The following BMAL1 variants were observed in gnomAD, a reference collection of about 807,000 sequenced individuals.
BMAL1 encodes the protein basic helix-loop-helix ARNT-like protein 1.
the BMAL1 span, among the ~76,000 whole-genome samples, chr11:13,283,811 T>G: frequency 2.0e-5 from 3 of 152,106 alleles, no homozygotes; most frequent in Non-Finnish European, 4.4e-5. Context: ...CACATCCTGT[T>G]ATGCATGGCT....
the BMAL1 span, among the ~76,000 whole-genome samples, chr11:13,286,031 A>G: frequency 1.3e-5 from 2 of 152,204 alleles, no homozygotes; most frequent in East Asian, 1.9e-4. Context: ...CCAAAAGTTT[A>G]TTTGTAAGGC....
the BMAL1 span, chr11:13,366,856 G>T: frequency 9.9e-6 from 12 of 1,217,036 alleles, no homozygotes; most frequent in Non-Finnish European, 1.4e-5. Flanking sequence ...AGCAGAGGGC[G>T]GGTGTGTGTG....
the BMAL1 span, among the ~76,000 whole-genome samples, chr11:13,288,651 T>C: frequency 6.6e-6 from 1 of 151,990 alleles, no homozygotes; most frequent in Admixed American, 6.6e-5. Flanking sequence ...AATATTTCTC[T>C]CTAAAGCATC....
chr11:13,305,110 G>A, the BMAL1 span, among the ~76,000 whole-genome samples: 3 of 152,166 alleles, frequency 2.0e-5, no homozygotes, highest in African/African-American at 4.8e-5. Flanking sequence ...CTGGAGATGG[G>A]ACTTTTTAAT....
the BMAL1 span, among the ~76,000 whole-genome samples, chr11:13,348,810 G>C: frequency 2.8e-3 from 422 of 152,306 alleles, no homozygotes; most frequent in African/African-American, 9.5e-3. Context: ...GAATGCCTTG[G>C]GAGGCTGGAA....
chr11:13,354,175 A>C, the BMAL1 span: 1 of 1,062,120 alleles, frequency 9.4e-7, no homozygotes, highest in Non-Finnish European at 1.4e-6. Context: ...TGCTGCTGTA[A>C]ACCAGCCCCG....
the BMAL1 span, chr11:13,366,777 C>G: frequency 6.2e-7 from 1 of 1,610,876 alleles, no homozygotes; most frequent in African/African-American, 1.3e-5. Context: ...CTCATAGATG[C>G]AAAAAGTGAG....
chr11:13,284,014 T>A, the BMAL1 span, among the ~76,000 whole-genome samples: 1 of 151,106 alleles, frequency 6.6e-6, no homozygotes, highest in Non-Finnish European at 1.5e-5. Context: ...CAAAGGTCCC[T>A]CACCTTCGTC....
At chr11:13,369,601 TG>T in the BMAL1 span, 1 of 1,613,648 alleles carries the variant, frequency 6.2e-7, no homozygotes, top group Non-Finnish European at 8.5e-7. Context: ...TATCACATTT[TG>T]TGTATTGATT....
chr11:13,350,575 G>C, the BMAL1 span, among the ~76,000 whole-genome samples: 8 of 152,292 alleles, frequency 5.3e-5, no homozygotes, highest in South Asian at 1.7e-3. Context: ...GAACAGAGTA[G>C]AGAGTCCAGA....
chr11:13,327,302 C>G, the BMAL1 span, among the ~76,000 whole-genome samples: 1 of 152,086 alleles, frequency 6.6e-6, no homozygotes. Flanking sequence ...ACATTAAGTA[C>G]GTGCCTACTA....
At chr11:13,301,819 A>G in the BMAL1 span, among the ~76,000 whole-genome samples, 6 of 152,228 alleles carry the variant, frequency 3.9e-5, no homozygotes, top group Admixed American at 6.5e-5. Flanking sequence ...AATGAACCAA[A>G]TGAGGTACTG....
At chr11:13,367,743 G>A in the BMAL1 span, among the ~76,000 whole-genome samples, 1 of 151,648 alleles carries the variant, frequency 6.6e-6, no homozygotes, top group African/African-American at 2.4e-5. Flanking sequence ...AGAACACAAG[G>A]GAGATTACTG....
the BMAL1 span, among the ~76,000 whole-genome samples, chr11:13,282,327 T>C: frequency 6.6e-6 from 1 of 152,190 alleles, no homozygotes; most frequent in South Asian, 2.1e-4. Flanking sequence ...AGTTGAGGTG[T>C]GGATTAAATG....
chr11:13,355,485 A>C, the BMAL1 span, among the ~76,000 whole-genome samples: 1 of 152,144 alleles, frequency 6.6e-6, no homozygotes. Flanking sequence ...TGTCATCTGG[A>C]CCTGTGGGTT....
chr11:13,348,087 G>A, the BMAL1 span, among the ~76,000 whole-genome samples: 4 of 152,194 alleles, frequency 2.6e-5, no homozygotes, highest in Admixed American at 2.6e-4. Context: ...GCTGCTGCAG[G>A]AGAGCCAGGG....
chr11:13,292,412 TGGCG>T, the BMAL1 span, among the ~76,000 whole-genome samples: 4 of 151,434 alleles, frequency 2.6e-5, no homozygotes, highest in Admixed American at 2.6e-4. Context: ...CTGGGCGTAG[TGGCG>T]GGCGCCTGTA....
At chr11:13,350,183 G>A in the BMAL1 span, 6 of 152,096 alleles carry the variant, frequency 3.9e-5, no homozygotes, top group African/African-American at 1.4e-4. Context: ...TGAAACTTGG[G>A]GTATTCTACC....
chr11:13,355,812 A>G, the BMAL1 span, among the ~76,000 whole-genome samples: 1 of 151,992 alleles, frequency 6.6e-6, no homozygotes, highest in Admixed American at 6.5e-5. Context: ...AATTGGGAAC[A>G]CTGTTCTAGA....
Sources: allele counts gnomAD v4.1 joint callset (sites outside exome capture counted in the v4.1 genomes callset), GRCh38; gene constraint gnomAD v4.1.1; transcripts MANE v1.5; gene names NCBI Gene and HGNC (gene_info 2026-07-23, HGNC 2026-07-21).